Variants in RBP3 observed in about 807,000 individuals in gnomAD.
RBP3 encodes the protein retinol-binding protein 3.
Under a neutral mutation model 64.8 loss-of-function variants are expected in RBP3, and 50 were observed. The observed-to-expected ratio is 0.77, with a 90% CI of 0.61 to 0.98. RBP3 has a LOEUF of 0.98. Ranked by LOEUF, RBP3 falls within the 50% of genes least tolerant of loss-of-function variation. The pLI, the probability that RBP3 is intolerant of heterozygous loss-of-function variation, is 0.00. For missense variants in RBP3, 1,712 were observed against 1,660.5 expected, an observed-to-expected ratio of 1.03 and a Z score of -0.54; for synonymous variants, 828 against 730.2, an observed-to-expected ratio of 1.13 and a Z score of -2.16.
Position 47,350,383 on chromosome 10 carries a change from C to T in RBP3, c.1899C>T (p.His633=), listed in dbSNP as rs942468235. 1.9e-6 allele frequency: 3 copies of T among 1,612,540 alleles called. No individual in the cohort carries two copies. Among genetic ancestry groups the T allele is most frequent in the Non-Finnish European group, 2.5e-6 (3 of 1,179,928 alleles). Residue 633 remains histidine (H), a synonymous_variant, in exon 1 of 4, where the codon CAC becomes CAT. Coordinates refer to ENST00000584701, the MANE Select transcript of RBP3 (RefSeq NM_002900.3). Reference sequence around the variant, plus strand: ...AAGCCCAGGAAGTGCTGGAGTTCCACCAAAGCCTGGGGGCCTTGGTGGAGG... The same window carrying T: ...AAGCCCAGGAAGTGCTGGAGTTCCATCAAAGCCTGGGGGCCTTGGTGGAGG... ...LDKAQEVLEF[H]QSLGALVEGT...
Position 47,348,590 on chromosome 10 carries a change from T to C in RBP3, c.106T>C (p.Leu36=). 1 of 1,613,406 alleles carries C rather than the reference T, an allele frequency of 6.2e-7. No homozygotes were observed. The highest frequency in any genetic ancestry group is 2.2e-5 in the East Asian group (1 of 44,878). The change falls in exon 1 of 4, where the codon TTG becomes CTG. Residue 36 remains leucine (L), a synonymous_variant. Coordinates refer to ENST00000584701, the MANE Select transcript of RBP3 (RefSeq NM_002900.3). ...SLVLDMAKVL[L]DNYCFPENLL... is the part of the protein sequence containing the mutation. Reference sequence around the variant, plus strand: ...GGTGCTGGACATGGCCAAGGTCCTCTTGGATAACTACTGCTTCCCGGAGAA... The same window carrying C: ...GGTGCTGGACATGGCCAAGGTCCTCCTGGATAACTACTGCTTCCCGGAGAA...
chr10:47,357,565 G>A lies in RBP3; in HGVS notation c.*108G>A. On this transcript the variant is annotated 3_prime_UTR_variant, in exon 4 of 4. Transcript: ENST00000584701. ...TGAGGTTCCCAGGAGCAGCAAAGGGGCCTGCTGAGCTCTGGTTAGGTTACA... is the reference window on the plus strand; with the variant it reads ...TGAGGTTCCCAGGAGCAGCAAAGGGACCTGCTGAGCTCTGGTTAGGTTACA... 1 of 887,402 alleles carries A rather than the reference G, an allele frequency of 1.1e-6. No homozygotes were observed. The highest frequency in any genetic ancestry group is 1.6e-5 in the South Asian group (1 of 61,112). The allele number at this position is 887,402 out of a possible 1,614,324, so 55.0% of individuals were successfully genotyped here. A position where few individuals can be genotyped will look rare whatever the true frequency, so the allele number is the denominator to read the frequency against.
intron 3 of RBP3, 78 bp downstream of exon 3, chr10:47,355,596 G>A: frequency 6.3e-7 from 1 of 1,593,834 alleles, no homozygotes; most frequent in South Asian, 1.1e-5. Context: ...CTTGGGTGTA[G>A]GTAAAAGTCA....
rs1391337230 is a variant in RBP3, at chr10:47,349,905, T to A, written c.1421T>A (p.Leu474His). The change falls in exon 1 of 4, where the codon CTC becomes CAC. Residue 474 changes from leucine to histidine, a missense_variant. By Grantham distance (99) the Leu-to-His change is moderately conservative. Transcript: ENST00000584701. ...GAGCCGCTACAGGACACGGAGCACC[T>A]CATCATGGACCTGCGCCACAACCCT... ...VWEPLQDTEH[L>H]IMDLRHNPGG... The A allele has an allele frequency of 1.2e-6, 2 of 1,612,880 alleles. No homozygotes were observed. The highest frequency in any genetic ancestry group is 1.7e-6 in the Non-Finnish European group (2 of 1,179,910).
At chr10:47,352,216 C>T (rs1555211665) in intron 1 of RBP3, among the ~76,000 whole-genome samples, 1 of 152,178 alleles carries the variant, frequency 6.6e-6, no homozygotes, top group Admixed American at 6.5e-5. Context: ...AGCTGACAGG[C>T]AGGTGCCTCA....
At position 47,348,835 on chromosome 10, in the gene RBP3, G is replaced by A. The variant is rs140749741; in HGVS notation, c.351G>A (p.Leu117=). 4.6e-5 allele frequency: 74 copies of A among 1,613,920 alleles called. No homozygotes were observed. The highest frequency in any genetic ancestry group is 5.3e-5 in the Non-Finnish European group (62 of 1,180,048). The change falls in exon 1 of 4, where the codon CTG becomes CTA. Residue 117 remains leucine, a synonymous_variant. Transcript: ENST00000584701. Reference sequence around the variant, plus strand: ...CAGAAGAGGAACTGCTTGCCTGGCTGCAAAGGGGCCTCCGCCATGAGGTTC... The same window carrying A: ...CAGAAGAGGAACTGCTTGCCTGGCTACAAAGGGGCCTCCGCCATGAGGTTC... ...SLSEEELLAW[L]QRGLRHEVLE...
In RBP3 at chr10:47,350,162, G is replaced by A. The variant is rs1316380685; in HGVS notation, c.1678G>A (p.Gly560Ser). The A allele has an allele frequency of 6.2e-7, 1 of 1,612,386 alleles. No individual in the cohort carries two copies. The highest frequency in any genetic ancestry group is 8.5e-7 in the Non-Finnish European group (1 of 1,180,006). The part of the protein sequence containing the change: ...EEFAFLMQSL[G>S]WATLVGEITA... Reference sequence around the variant, plus strand: ...GTTCGCCTTCCTTATGCAGTCGCTGGGCTGGGCCACACTGGTAGGTGAGAT... The same window carrying A: ...GTTCGCCTTCCTTATGCAGTCGCTGAGCTGGGCCACACTGGTAGGTGAGAT... Residue 560 changes from glycine to serine, a missense_variant, in exon 1 of 4, where the codon GGC (glycine) becomes AGC (serine). Physicochemically the swap from Gly to Ser is moderately conservative, Grantham distance 56. Transcript: ENST00000584701.
At chr10:47,351,672 C>G (rs782775349) in intron 1 of RBP3, 134 bp downstream of exon 1, 1 of 1,146,558 alleles carries the variant, frequency 8.7e-7, no homozygotes. Context: ...TTTGACCGGT[C>G]AAGTCCTTTC....
At chr10:47,355,275 T>C (rs1270596198) in intron 2 of RBP3, 101 bp from the exon 3 acceptor site, 10 of 1,498,714 alleles carry the variant, frequency 6.7e-6, no homozygotes, top group Non-Finnish European at 8.3e-6. Flanking sequence ...CTGCCAAGAA[T>C]TAGAACCCTC....
Position 47,349,569 on chromosome 10 carries a change from T to C in RBP3, c.1085T>C (p.Val362Ala). The C allele has an allele frequency of 1.9e-6, 3 of 1,612,984 alleles. No individual in the cohort carries two copies. Among genetic ancestry groups the C allele is most frequent in the Non-Finnish European group, 2.5e-6 (3 of 1,179,974 alleles). Residue 362 changes from valine to alanine, a missense_variant, in exon 1 of 4, where the codon GTG (valine) becomes GCG (alanine). Physicochemically the swap from Val to Ala is moderately conservative, Grantham distance 64. Transcript: ENST00000584701. ...TTGGCCAGCATGGACTTCTCCACGG[T>C]GGTCTCCGAGGAAGATCTGGTCACC... is the stretch of plus-strand genomic sequence containing the variant. ...QHLASMDFST[V>A]VSEEDLVTKL...
chr10:47,352,879 AT>A (rs1217944399), intron 1 of RBP3, among the ~76,000 whole-genome samples: 2 of 152,196 alleles, frequency 1.3e-5, no homozygotes, highest in African/African-American at 4.8e-5. Flanking sequence ...CATGGAAAAG[AT>A]GGGGATCGTG....
At position 47,348,527 on chromosome 10, in the gene RBP3, G is replaced by A; in HGVS notation, c.43G>A (p.Gly15Ser). The A allele has an allele frequency of 6.2e-7, 1 of 1,610,246 alleles. No individual in the cohort carries two copies. Among genetic ancestry groups the A allele is most frequent in the South Asian group, 1.1e-5 (1 of 91,084 alleles). The change falls in exon 1 of 4, where the codon GGC becomes AGC. Residue 15 changes from glycine to serine, a missense_variant. Gly to Ser is a moderately conservative substitution (Grantham distance 56, BLOSUM62 0). Transcript: ENST00000584701. ...TCTGCTCATGTCCGTGCTGCTCTGT[G>A]GCCTGGCTGGCCCCACACACCTGTT... is the stretch of plus-strand genomic sequence containing the variant. ...WVLLMSVLLCGLAGPTHLFQP... is the reference protein window; with the variant it reads ...WVLLMSVLLCSLAGPTHLFQP...
In RBP3 at chr10:47,350,928, G is replaced by A; in HGVS notation, c.2444G>A (p.Arg815Lys). ...PRQHLYSVFDRATSKVTEVWT... is the reference protein window; with the variant it reads ...PRQHLYSVFDKATSKVTEVWT... ...CAGCACCTGTATTCTGTCTTTGACA[G>A]GGCCACCTCAAAAGTCACGGAGGTG... The change falls in exon 1 of 4, where the codon AGG becomes AAG. Residue 815 changes from arginine to lysine, a missense_variant. Coordinates refer to ENST00000584701, the MANE Select transcript of RBP3 (RefSeq NM_002900.3). 6.2e-7 allele frequency: 1 copy of A among 1,613,012 alleles called. No homozygotes were observed. The highest frequency in any genetic ancestry group is 2.2e-5 in the East Asian group (1 of 44,882).
Position 47,348,505 on chromosome 10 carries a change from G to A in RBP3, c.21G>A (p.Leu7=). The A allele has an allele frequency of 6.2e-7, 1 of 1,605,584 alleles. No homozygotes were observed. The highest frequency in any genetic ancestry group is 1.1e-5 in the South Asian group (1 of 91,082). ...TCCCCATGATGAGAGAATGGGTTCT[G>A]CTCATGTCCGTGCTGCTCTGTGGCC... is the stretch of plus-strand genomic sequence containing the variant. MMREWV[L]LMSVLLCGLA... The change falls in exon 1 of 4, where the codon CTG becomes CTA. Residue 7 remains leucine, a synonymous_variant. Coordinates refer to ENST00000584701, the MANE Select transcript of RBP3 (RefSeq NM_002900.3).
In RBP3 at chr10:47,348,495, A is replaced by T; in HGVS notation, c.11A>T (p.Glu4Val). The T allele has an allele frequency of 6.2e-7, 1 of 1,603,498 alleles. No individual in the cohort carries two copies. The highest frequency in any genetic ancestry group is 1.1e-5 in the South Asian group (1 of 91,076). The change falls in exon 1 of 4, where the codon GAA (glutamate) becomes GTA (valine). Residue 4 changes from glutamate (E) to valine (V), a missense_variant. Transcript: ENST00000584701. ...TCCCCCTGGGTCCCCATGATGAGAG[A>T]ATGGGTTCTGCTCATGTCCGTGCTG... MMR[E>V]WVLLMSVLLC...
rs1187786045 is a variant in RBP3 at position 47,349,945 on chromosome 10, T to C, written c.1461T>C (p.Ser487=). 3 of 1,612,380 alleles carry C rather than the reference T, an allele frequency of 1.9e-6. No homozygotes were observed. The highest frequency in any genetic ancestry group is 2.5e-6 in the Non-Finnish European group (3 of 1,179,404). ...DLRHNPGGPS[S]AVPLLLSYFQ... ...GCCACAACCCTGGAGGGCCATCCTCTGCTGTGCCCCTGCTCCTGTCCTACT... is the reference window on the plus strand; with the variant it reads ...GCCACAACCCTGGAGGGCCATCCTCCGCTGTGCCCCTGCTCCTGTCCTACT... The change falls in exon 1 of 4, where the codon TCT becomes TCC. Residue 487 remains serine (S), a synonymous_variant. Coordinates refer to ENST00000584701, the MANE Select transcript of RBP3 (RefSeq NM_002900.3).
chr10:47,357,404 C>T lies in RBP3; in HGVS notation c.3691C>T (p.Gln1231Ter). Residue 1231 changes from glutamine (Q) to a stop codon, truncating the protein, a stop_gained, in exon 4 of 4, where the codon CAG becomes TAG. Coordinates refer to ENST00000584701, the MANE Select transcript of RBP3 (RefSeq NM_002900.3). LOFTEE classifies it low-confidence loss of function (END_TRUNC). ...TCTCGCCAGGGCCAAGGAGATGCTC[C>T]AGCACAACCAGCTGAGGGTGAAGCG... ...EALARAKEML[Q>*]HNQLRVKRSP... 6.2e-7 allele frequency: 1 copy of T among 1,614,034 alleles called. No homozygotes were observed. The highest frequency in any genetic ancestry group is 8.5e-7 in the Non-Finnish European group (1 of 1,179,962).
rs1555210915 is a variant in RBP3, at chr10:47,348,871, T to C, written c.387T>C (p.Asn129=). 3 of 1,613,818 alleles carry C rather than the reference T, an allele frequency of 1.9e-6. No homozygotes were observed. The highest frequency in any genetic ancestry group is 2.2e-5 in the East Asian group (1 of 44,864). ...TCCGCCATGAGGTTCTGGAGGGTAATGTGGGCTACCTGCGGGTGGACAGCG... is the reference window on the plus strand; with the variant it reads ...TCCGCCATGAGGTTCTGGAGGGTAACGTGGGCTACCTGCGGGTGGACAGCG... ...RGLRHEVLEG[N]VGYLRVDSVP... The change falls in exon 1 of 4, where the codon AAT becomes AAC. Residue 129 remains asparagine (N), a synonymous_variant. Coordinates refer to ENST00000584701, the MANE Select transcript of RBP3 (RefSeq NM_002900.3).
intron 3 of RBP3, among the ~76,000 whole-genome samples, chr10:47,355,987 C>T (rs546929115): frequency 7.2e-5 from 11 of 152,248 alleles, no homozygotes; most frequent in South Asian, 2.1e-4. Flanking sequence ...TTCTGTTCCC[C>T]GCCCTGGGCC....
Sources: gnomAD v4.1 joint callset for allele counts (sites outside exome capture counted in the v4.1 genomes callset) on GRCh38, gnomAD v4.1.1 for gene constraint, MANE v1.5 for transcripts, NCBI Gene and HGNC (gene_info 2026-07-23, HGNC 2026-07-21) for gene names.